The following SLC4A4 variants were observed in gnomAD, a reference collection of about 807,000 sequenced individuals.
SLC4A4 encodes the protein solute carrier family 4 member 4, also known as electrogenic sodium bicarbonate cotransporter 1.
In SLC4A4, 27 loss-of-function variants were observed where a neutral mutation model predicts 111.5. The ratio of observed to expected loss-of-function variants is 0.24; its 90% CI spans 0.18 to 0.33. The LOEUF is 0.33. SLC4A4 is among the 10% of genes least tolerant of loss of function. SLC4A4 has a pLI of 1.00. For missense variants in SLC4A4, 909 were observed against 1,315.5 expected, an observed-to-expected ratio of 0.69 and a Z score of 4.78; for synonymous variants, 443 against 463.4, an observed-to-expected ratio of 0.96 and a Z score of 0.57.
At position 71,421,350 on chromosome 4, in the gene SLC4A4, C is replaced by T. The variant is rs191000981; in HGVS notation, c.808-19266C>T. ...GATTCATAAAGCAAGTCCTGAGTGACCTACAAAGAGACTGAGACTCCCACA... is the reference window on the plus strand; with the variant it reads ...GATTCATAAAGCAAGTCCTGAGTGATCTACAAAGAGACTGAGACTCCCACA... On this transcript the variant is annotated intron_variant, in intron 7 of 25. Transcript: ENST00000264485. Among the ~76,000 whole-genome samples the T allele has an allele frequency of 2.0e-3, 297 of 152,226 alleles. 4 individuals are homozygous for T. Among genetic ancestry groups the T allele is most frequent in the Admixed American group, 0.012 (181 of 15,296 alleles).
chr4:71,463,640 G>A (rs908258623), intron 12 of SLC4A4, among the ~76,000 whole-genome samples: 4 of 152,132 alleles, frequency 2.6e-5, no homozygotes, highest in African/African-American at 9.6e-5. Context: ...ATAAATCAAA[G>A]TGGTTTTCTG....
At chr4:71,276,457 C>G (rs951540148) in intron 3 of SLC4A4, among the ~76,000 whole-genome samples, 11 of 152,186 alleles carry the variant, frequency 7.2e-5, no homozygotes, top group Non-Finnish European at 1.3e-4. Flanking sequence ...ACACCCCCTC[C>G]TTTCACACCA....
At chr4:71,185,696 ATGGATCTC>A (rs1263186137), upstream of SLC4A4, among the ~76,000 whole-genome samples, 1 of 152,202 alleles carries the variant, frequency 6.6e-6, no homozygotes, top group East Asian at 1.9e-4. Flanking sequence ...GTGAGGCACC[ATGGATCTC>A]TGGATCTCTT....
chr4:71,352,028 G>A (rs1729887617), intron 5 of SLC4A4, among the ~76,000 whole-genome samples: 1 of 152,120 alleles, frequency 6.6e-6, no homozygotes, highest in Non-Finnish European at 1.5e-5. Context: ...CAGGGAGATC[G>A]GAACCCATCT....
chr4:71,354,721 A>G (rs1211980677), intron 5 of SLC4A4, among the ~76,000 whole-genome samples: 1 of 151,884 alleles, frequency 6.6e-6, no homozygotes, highest in Non-Finnish European at 1.5e-5. Flanking sequence ...ATAAAGAAAA[A>G]TATTGTGTGA....
At chr4:71,147,018 G>A (rs1228873609) in intron 2 of SLC4A4, among the ~76,000 whole-genome samples, 1 of 152,202 alleles carries the variant, frequency 6.6e-6, no homozygotes, top group African/African-American at 2.4e-5. Context: ...GACACACATA[G>A]GCTCAAAATA....
rs562718386 is a variant in SLC4A4, at chr4:71,447,101, C to T, written c.966-545C>T. ...TTTGAATTTCTCTCATATTTCTCTT[C>T]CCTTACTTTGGCTGTCACCATGTGG... On this transcript the variant is annotated intron_variant, in intron 8 of 25. Transcript: ENST00000264485. Among the ~76,000 whole-genome samples the T allele has an allele frequency of 7.9e-5, 12 of 152,324 alleles. No homozygotes were observed. The South Asian group carries it at 1.4e-3, about 18-fold the overall frequency.
chr4:71,333,075 T>C lies in SLC4A4; in HGVS notation c.254-6295T>C, dbSNP rs571853466. 5.3e-5 allele frequency among the ~76,000 whole-genome samples: 8 copies of C among 152,348 alleles called. No homozygotes were observed. The South Asian group carries it at 1.7e-3, about 32-fold the overall frequency. ...TTTTCCTAGATAGTCTTGATGCTTG[T>C]ATATATTTGTCAATGTCTGAGCATT... On this transcript the variant is annotated intron_variant, in intron 3 of 25. Transcript: ENST00000264485.
intron 3 of SLC4A4, among the ~76,000 whole-genome samples, chr4:71,292,833 G>GTTTTTTTT (rs1210782035): frequency 1.5e-5 from 2 of 133,386 alleles, no homozygotes; most frequent in African/African-American, 3.0e-5. Flanking sequence ...CTTACTTTTG[G>GTTTTTTTT]TTTTTTTTGT....
At chr4:71,247,285 T>C (rs1720744318) in intron 2 of SLC4A4, among the ~76,000 whole-genome samples, 1 of 148,172 alleles carries the variant, frequency 6.7e-6, no homozygotes, top group Non-Finnish European at 1.5e-5. Context: ...ATATAAGATA[T>C]ATAACCATAT....
At chr4:71,441,428 C>T (rs1259873204) in intron 8 of SLC4A4, among the ~76,000 whole-genome samples, 1 of 151,962 alleles carries the variant, frequency 6.6e-6, no homozygotes, top group Non-Finnish European at 1.5e-5. Context: ...GTTAATGTTT[C>T]ACTTAAATTT....
chr4:71,355,603 T>C (rs1025765737), intron 5 of SLC4A4, among the ~76,000 whole-genome samples: 6 of 152,358 alleles, frequency 3.9e-5, no homozygotes, highest in African/African-American at 1.4e-4. Flanking sequence ...GTGAGGCATG[T>C]GATGGAAAAT....
chr4:71,406,703 T>G (rs2148993761), intron 7 of SLC4A4, among the ~76,000 whole-genome samples: 1 of 151,036 alleles, frequency 6.6e-6, no homozygotes, highest in Non-Finnish European at 1.5e-5. Flanking sequence ...TTCTACAATC[T>G]GAAAGCCAGT....
At chr4:71,557,248 A>G (rs905567520) in intron 21 of SLC4A4, among the ~76,000 whole-genome samples, 16 of 151,984 alleles carry the variant, frequency 1.1e-4, no homozygotes, top group Non-Finnish European at 2.1e-4. Flanking sequence ...TACTTCCTTT[A>G]TATCCTTAAA....
intron 5 of SLC4A4, among the ~76,000 whole-genome samples, chr4:71,355,111 A>G (rs981346376): frequency 6.6e-6 from 1 of 152,218 alleles, no homozygotes; most frequent in Non-Finnish European, 1.5e-5. Flanking sequence ...AACCTGTTCT[A>G]ACTGGTGATT....
At chr4:71,441,774 T>TA (rs1384990395) in intron 8 of SLC4A4, among the ~76,000 whole-genome samples, 1 of 152,228 alleles carries the variant, frequency 6.6e-6, no homozygotes, top group Non-Finnish European at 1.5e-5. Flanking sequence ...TTCCTCATCA[T>TA]ACAGGTATTT....
chr4:71,265,206 T>C (rs1722148587), intron 3 of SLC4A4, among the ~76,000 whole-genome samples: 1 of 152,212 alleles, frequency 6.6e-6, no homozygotes, highest in Non-Finnish European at 1.5e-5. Context: ...GTGGCCAAGA[T>C]GCTTTCCTCT....
At chr4:71,507,827 G>C (rs775777766) in intron 16 of SLC4A4, among the ~76,000 whole-genome samples, 42 of 152,112 alleles carry the variant, frequency 2.8e-4, no homozygotes, top group Admixed American at 5.9e-4. Flanking sequence ...CTTTAAAATT[G>C]ATCACATAAT....
chr4:71,265,612 CTTAA>C (rs535294124), intron 3 of SLC4A4, among the ~76,000 whole-genome samples: 6 of 152,146 alleles, frequency 3.9e-5, no homozygotes, highest in Non-Finnish European at 7.4e-5. Context: ...CTCTCTATAA[CTTAA>C]TAGGACCAGC....
Sources: allele counts gnomAD v4.1 joint callset (sites outside exome capture counted in the v4.1 genomes callset), GRCh38; gene constraint gnomAD v4.1.1; transcripts MANE v1.5; gene names NCBI Gene and HGNC (gene_info 2026-07-23, HGNC 2026-07-21).